IP6K2: variants seen among roughly 807,000 people sequenced by gnomAD.
The protein encoded by IP6K2 is inositol hexakisphosphate kinase 2.
In IP6K2, 9 loss-of-function variants were observed where a neutral mutation model predicts 43.3. The ratio of observed to expected loss-of-function variants is 0.21; its 90% confidence interval spans 0.13 to 0.36. IP6K2 has a LOEUF of 0.36. IP6K2 is among the 10% of genes least tolerant of loss of function. The pLI is 1.00. For missense variants in IP6K2, 332 were observed against 538.4 expected, an observed-to-expected ratio of 0.62 and a Z score of 3.79; for synonymous variants, 209 against 202.4, an observed-to-expected ratio of 1.03 and a Z score of -0.28.
At chr3:48,694,736 G>T in intron 2 of IP6K2, 1 of 1,509,618 alleles carries the variant, frequency 6.6e-7, no homozygotes. Flanking sequence ...CAAAAAGCAG[G>T]CGGCAAGTAT....
rs765704684 is a variant in IP6K2, at chr3:48,693,001, G to C, written c.381C>G (p.Thr127=). 4.3e-5 allele frequency: 69 copies of C among 1,614,056 alleles called. 1 individual carries two copies. The Admixed American group carries it at 1.1e-3, about 26-fold the overall frequency. Residue 127 remains threonine, a synonymous_variant, in exon 3 of 6, where the codon ACC becomes ACG. Coordinates refer to ENST00000328631, the MANE Select transcript of IP6K2 (RefSeq NM_016291.4). ...GGTGCTGACGCACCCAGTCCTTAGG[G>C]GTCTTTTCTGTTTCTAAGACATGAT... ...KKHHVLETEK[T]PKDWVRQHRK...
chr3:48,702,445 C>T (rs908863513), intron 1 of IP6K2, among the ~76,000 whole-genome samples: 6 of 150,252 alleles, frequency 4.0e-5, no homozygotes, highest in East Asian at 1.9e-4. Flanking sequence ...AAATGTCACC[C>T]CCCCTTTTTT....
chr3:48,711,867 T>C (rs2080554567), intron 1 of IP6K2, among the ~76,000 whole-genome samples: 1 of 152,108 alleles, frequency 6.6e-6, no homozygotes, highest in African/African-American at 2.4e-5. Context: ...AGAAATATGA[T>C]GACTCTTCAG....
At position 48,691,493 on chromosome 3, in the gene IP6K2, A is replaced by AT. The variant is rs2077774565; in HGVS notation, c.429-12dup. On this transcript the variant is annotated splice_polypyrimidine_tract_variant and intron_variant, in intron 3 of 5. Coordinates refer to ENST00000328631, the MANE Select transcript of IP6K2 (RefSeq NM_016291.4). ...TCTTCTAACTTATGGCTATAAAGAGATAAGGACCAATAAATCAGTATGTCT... is the reference window on the plus strand; with the variant it reads ...TCTTCTAACTTATGGCTATAAAGAGATTAAGGACCAATAAATCAGTATGTCT... 6.3e-7 allele frequency: 1 copy of AT among 1,588,448 alleles called. No individual in the cohort carries two copies. Among genetic ancestry groups the AT allele is most frequent in the Non-Finnish European group, 8.6e-7 (1 of 1,161,530 alleles).
Position 48,688,632 on chromosome 3 carries a change from G to A in IP6K2, c.922C>T (p.Leu308Phe). Reference protein sequence around the residue: ...YLRRELLGPVLKKLTELKAVL... With the variant: ...YLRRELLGPVFKKLTELKAVL... ...GCCTTGAGCTCAGTCAGCTTCTTGA[G>A]CACAGGGCCCAGGAGTTCACGGCGC... The change falls in exon 6 of 6, where the codon CTC becomes TTC. Residue 308 changes from leucine to phenylalanine, a missense_variant. Coordinates refer to ENST00000328631, the MANE Select transcript of IP6K2 (RefSeq NM_016291.4). The surrounding 1 kb of genome is among the most constrained non-coding windows in gnomAD (Gnocchi z 5.1). 1 of 1,614,240 alleles carries A rather than the reference G, an allele frequency of 6.2e-7. No homozygotes were observed. The highest frequency in any genetic ancestry group is 8.5e-7 in the Non-Finnish European group (1 of 1,180,044).
rs1241102893 is a variant in IP6K2 at position 48,688,859 on chromosome 3, C to T, written c.781-86G>A. The T allele has an allele frequency of 2.4e-5, 34 of 1,395,038 alleles. No homozygotes were observed. Among genetic ancestry groups the T allele is most frequent in the Non-Finnish European group, 3.1e-5 (32 of 1,026,716 alleles). 86.4% of individuals were successfully genotyped at this position (1,395,038 alleles called of 1,614,324 possible). ...CGGGGGTGGGGTGGTGTGGTGGTGGCGGCATGTGACAGCCCAGATCAGATA... is the reference window on the plus strand; with the variant it reads ...CGGGGGTGGGGTGGTGTGGTGGTGGTGGCATGTGACAGCCCAGATCAGATA... On this transcript the variant is annotated intron_variant, in intron 5 of 5. Transcript: ENST00000328631. This position sits in a 1 kb window ranked among gnomAD's most constrained non-coding sequence, Gnocchi z 5.1.
chr3:48,704,112 GA>G (rs1215390203), intron 1 of IP6K2, among the ~76,000 whole-genome samples: 1 of 151,706 alleles, frequency 6.6e-6, no homozygotes, highest in Non-Finnish European at 1.5e-5. Context: ...GAAAAGAAAA[GA>G]AAAAAACAAA....
Position 48,706,008 on chromosome 3 carries a change from C to A in IP6K2, c.-130-10587G>T, listed in dbSNP as rs988272420. ...ATCACCTGAAGTCAGGAGTTTGAGA[C>A]CACACTGCCCAACATGGTGAAACCC... On this transcript the variant is annotated intron_variant, in intron 1 of 5. Transcript: ENST00000328631. Among the ~76,000 whole-genome samples, 14 of 151,760 alleles carry A rather than the reference C, an allele frequency of 9.2e-5. 1 individual carries two copies. Among genetic ancestry groups the A allele is most frequent in the Admixed American group, 7.9e-4 (12 of 15,230 alleles).
At chr3:48,689,442 G>C in intron 5 of IP6K2, 96 bp downstream of exon 5, 1 of 1,323,044 alleles carries the variant, frequency 7.6e-7, no homozygotes, top group Non-Finnish European at 1.0e-6. Context: ...GTGAGCCACT[G>C]CACCTGGCCT....
chr3:48,693,461 G>T, intron 2 of IP6K2: 1 of 1,361,264 alleles, frequency 7.3e-7, no homozygotes, highest in South Asian at 1.5e-5. Context: ...TTCCATCATT[G>T]AAAATGTTTA....
intron 1 of IP6K2, chr3:48,699,717 T>C (rs969820764): frequency 2.6e-5 from 4 of 152,184 alleles, no homozygotes; most frequent in African/African-American, 9.6e-5. Flanking sequence ...CACATTTTAG[T>C]ACCAGTTCTG....
intron 1 of IP6K2, among the ~76,000 whole-genome samples, chr3:48,697,059 C>T (rs2078440170): frequency 6.7e-6 from 1 of 149,070 alleles, no homozygotes; most frequent in Non-Finnish European, 1.5e-5. Context: ...CTCGCTCTGT[C>T]ACCCAGACTG....
intron 2 of IP6K2, chr3:48,694,020 G>GTGGTC: frequency 7.1e-7 from 1 of 1,398,900 alleles, no homozygotes; most frequent in Non-Finnish European, 9.3e-7. Context: ...TTTCCTCCCA[G>GTGGTC]GCCTCTCTGC....
At chr3:48,689,767 G>A (rs2077608931) in intron 4 of IP6K2, 54 bp from the exon 5 acceptor site, 7 of 1,515,942 alleles carry the variant, frequency 4.6e-6, no homozygotes, top group Non-Finnish European at 6.4e-6. Context: ...ATGGGTCCTT[G>A]GCACTCTCAA....
intron 1 of IP6K2, among the ~76,000 whole-genome samples, chr3:48,714,723 G>C (rs531703398): frequency 6.6e-6 from 1 of 152,030 alleles, no homozygotes; most frequent in Non-Finnish European, 1.5e-5. Context: ...GGTAGGGCAG[G>C]CCAGGCGCGG....
intron 1 of IP6K2, among the ~76,000 whole-genome samples, chr3:48,697,564 C>T (rs1335123000): frequency 2.2e-5 from 3 of 136,612 alleles, no homozygotes; most frequent in Admixed American, 8.6e-5. Context: ...TGGTCTTGAA[C>T]TCCTAACCTC....
At chr3:48,699,481 CAG>C (rs2078787785) in intron 1 of IP6K2, 1 of 152,160 alleles carries the variant, frequency 6.6e-6, no homozygotes. Flanking sequence ...TTCTCTTCTC[CAG>C]AGTGTTAATT....
chr3:48,708,359 A>G (rs1300768116), intron 1 of IP6K2: 2 of 152,194 alleles, frequency 1.3e-5, no homozygotes, highest in African/African-American at 4.8e-5. Flanking sequence ...CGCTAAAACA[A>G]TGATTGATTC....
chr3:48,692,683 T>C lies in IP6K2; in HGVS notation c.428+271A>G, dbSNP rs12493578. Among the ~76,000 whole-genome samples, 99,531 of 152,126 alleles carry C rather than the reference T, an allele frequency of 0.65. 33,190 individuals are homozygous for C. The highest frequency in any genetic ancestry group is 0.96 in the East Asian group (4,973 of 5,184). The stretch of plus-strand genomic sequence containing the variant: ...GGCTCCTCTCTTAGTCACTGCTACA[T>C]CTCCAGAACACAGCCTAGCACAGAG... On this transcript the variant is annotated intron_variant, in intron 3 of 5. Transcript: ENST00000328631.
Sources: gnomAD v4.1 joint callset for allele counts (sites outside exome capture counted in the v4.1 genomes callset) on GRCh38, gnomAD v4.1.1 for gene constraint, Gnocchi (gnomAD v3.1) non-coding constraint, MANE v1.5 for transcripts, NCBI Gene and HGNC (gene_info 2026-07-23, HGNC 2026-07-21) for gene names.